Variants in HTT observed in about 807,000 individuals in gnomAD.
HTT encodes the protein huntington disease protein.
HTT carries 104 observed loss-of-function variants against 362.3 expected under a neutral mutation model. The observed-to-expected ratio is 0.29, with a 90% CI of 0.24 to 0.34. The LOEUF (loss-of-function observed/expected upper bound fraction) is 0.34. Among genes scored for constraint, HTT ranks in the 10% least tolerant of loss-of-function variants. The probability of loss-of-function intolerance (pLI) is 1.00; values close to 1 mark genes in which losing one functional copy is unlikely to be tolerated. For synonymous variants in HTT, 1,577 were observed against 1,548.7 expected (o/e 1.02, Z -0.43); for missense variants, 3,301 against 3,928.6 (o/e 0.84, Z 4.27).
At chr4:3,131,249 A>T (rs1414109619) in intron 14 of HTT, 37 bp from the exon 15 acceptor site, 2 of 1,397,772 alleles carry the variant, frequency 1.4e-6, no homozygotes, top group Non-Finnish European at 2.0e-6. Flanking sequence ...TGTATTGTTG[A>T]GTATGAGACA....
At position 3,148,318 on chromosome 4, in the gene HTT, A is replaced by G. The variant is rs1369878644; in HGVS notation, c.3498+111A>G. The G allele has an allele frequency of 3.7e-6, 3 of 802,036 alleles. No individual in the cohort carries two copies. The Admixed American group carries it at 8.7e-5, about 23-fold the overall frequency. 49.7% of individuals were successfully genotyped at this position (802,036 alleles called of 1,614,324 possible). A position where few individuals can be genotyped will look rare whatever the true frequency, so the allele number is the denominator to read the frequency against. ...TTTATTCTCTTTTTGCTTTAAATGA[A>G]CAAAATTGCTCAGATTGTGACACTA... On this transcript the variant is annotated intron_variant, in intron 26 of 66. Coordinates refer to ENST00000355072, the MANE Select transcript of HTT (RefSeq NM_001388492.1).
chr4:3,180,150 G>A (rs1431934728), intron 35 of HTT, among the ~76,000 whole-genome samples: 2 of 152,186 alleles, frequency 1.3e-5, no homozygotes, highest in Non-Finnish European at 2.9e-5. Flanking sequence ...TGTCTTTTCA[G>A]ATGAATCAAG....
intron 37 of HTT, among the ~76,000 whole-genome samples, chr4:3,183,393 C>G (rs1718616050): frequency 6.6e-6 from 1 of 152,228 alleles, no homozygotes; most frequent in Non-Finnish European, 1.5e-5. Context: ...CAGAAAATCT[C>G]ATGAGCTGCC....
At chr4:3,223,339 G>T in intron 54 of HTT, 67 bp from the exon 55 acceptor site, 1 of 1,447,950 alleles carries the variant, frequency 6.9e-7, no homozygotes, top group East Asian at 2.4e-5. Context: ...GAAGACTCTG[G>T]GTTCTGCAGG....
In HTT at chr4:3,230,001, C is replaced by T. The variant is rs371640265; in HGVS notation, c.8224C>T (p.Leu2742=). ...PSEDEILAQY[L]VPATCKAAAV... is the part of the protein sequence containing the mutation. ...AGAAGACGAGATCCTCGCTCAGTACCTGGTGCCTGCCACCTGCAAGGCAGC... is the reference window on the plus strand; with the variant it reads ...AGAAGACGAGATCCTCGCTCAGTACTTGGTGCCTGCCACCTGCAAGGCAGC... The change falls in exon 60 of 67, where the codon CTG becomes TTG. Residue 2742 remains leucine, a synonymous_variant. Transcript: ENST00000355072. 2 of 1,614,064 alleles carry T rather than the reference C, an allele frequency of 1.2e-6. No homozygotes were observed. The highest frequency in any genetic ancestry group is 1.7e-6 in the Non-Finnish European group (2 of 1,179,930).
intron 29 of HTT, among the ~76,000 whole-genome samples, chr4:3,167,123 G>A (rs1717755492): frequency 6.6e-6 from 1 of 152,224 alleles, no homozygotes; most frequent in Non-Finnish European, 1.5e-5. Flanking sequence ...CCAGGCTGAC[G>A]TGCATCGGCA....
intron 3 of HTT, among the ~76,000 whole-genome samples, chr4:3,102,780 C>T (rs188552144): frequency 3.3e-5 from 5 of 152,226 alleles, no homozygotes; most frequent in Non-Finnish European, 5.9e-5. Flanking sequence ...CTTCCCTGTC[C>T]CATCCCCTAG....
At chr4:3,112,417 TC>T (rs1025902165) in intron 6 of HTT, among the ~76,000 whole-genome samples, 2 of 152,224 alleles carry the variant, frequency 1.3e-5, no homozygotes, top group East Asian at 1.9e-4. Flanking sequence ...TCTCCCCTAT[TC>T]CCCCGTCACT....
At chr4:3,198,080 G>T (rs1719349348) in intron 40 of HTT, among the ~76,000 whole-genome samples, 1 of 152,172 alleles carries the variant, frequency 6.6e-6, no homozygotes, top group African/African-American at 2.4e-5. Flanking sequence ...GACCTGGTCT[G>T]CATTCTCTGA....
intron 55 of HTT, 26 bp from the exon 56 acceptor site, chr4:3,223,966 C>A (rs990196135): frequency 6.2e-7 from 1 of 1,612,930 alleles, no homozygotes; most frequent in Admixed American, 1.7e-5. Flanking sequence ...AAACAAAACA[C>A]TCTTTACCTT....
intron 29 of HTT, among the ~76,000 whole-genome samples, chr4:3,169,432 A>T (rs1330821604): frequency 1.3e-5 from 2 of 151,908 alleles, no homozygotes; most frequent in African/African-American, 2.4e-5. Flanking sequence ...TAGCTTACTG[A>T]TGCTCTTTTC....
chr4:3,140,118 G>A (rs1394430409), intron 21 of HTT, among the ~76,000 whole-genome samples: 1 of 152,014 alleles, frequency 6.6e-6, no homozygotes, highest in Non-Finnish European at 1.5e-5. Flanking sequence ...AAAATTAGCC[G>A]GGCGCGGTGG....
intron 39 of HTT, 160 bp from the exon 40 acceptor site, chr4:3,188,791 C>T (rs1718884656): frequency 4.7e-6 from 3 of 636,462 alleles, no homozygotes; most frequent in Admixed American, 5.9e-5. Context: ...GACCAAGTGA[C>T]TGTGTCCACG....
intron 6 of HTT, among the ~76,000 whole-genome samples, chr4:3,111,193 CTTT>C (rs1161560027): frequency 1.5e-5 from 2 of 134,792 alleles, no homozygotes; most frequent in Non-Finnish European, 1.6e-5. Context: ...ATTTTCTTTA[CTTT>C]TTTTTTTTTT....
Position 3,242,165 on chromosome 4 carries a change from G to A in HTT, c.*2106G>A, listed in dbSNP as rs532379411. 1.3e-5 allele frequency: 2 copies of A among 152,318 alleles called. No individual in the cohort carries two copies. Among genetic ancestry groups the A allele is most frequent in the South Asian group, 4.1e-4 (2 of 4,826 alleles). 9.4% of individuals were successfully genotyped at this position (152,318 alleles called of 1,614,324 possible). The stretch of plus-strand genomic sequence containing the variant: ...GTTTACATTTGTAAGAAATAACACT[G>A]TGAATGTAAAACAGAGCCATTCCCT... On this transcript the variant is annotated 3_prime_UTR_variant, in exon 67 of 67. Coordinates refer to ENST00000355072, the MANE Select transcript of HTT (RefSeq NM_001388492.1).
rs143982221 is a variant in HTT, at chr4:3,185,852, T to C, written c.4867-745T>C. 1.0e-2 allele frequency among the ~76,000 whole-genome samples: 1,508 copies of C among 151,544 alleles called. 10 individuals carry two copies. The highest frequency in any genetic ancestry group is 0.022 in the African/African-American group (901 of 41,262). On this transcript the variant is annotated intron_variant, in intron 37 of 66. Coordinates refer to ENST00000355072, the MANE Select transcript of HTT (RefSeq NM_001388492.1). ...TCACTTGAGCCCATTCGTGCGCCACTGCACTCCTGGGGCACAGAGTGAGAC... is the reference window on the plus strand; with the variant it reads ...TCACTTGAGCCCATTCGTGCGCCACCGCACTCCTGGGGCACAGAGTGAGAC...
Position 3,122,762 on chromosome 4 carries a change from G to A in HTT, c.1274-127G>A, listed in dbSNP as rs180942096. ...AAAATGTTGAACTGCGATGTTAAGT[G>A]TTTCCTGTGGAAAAACGTTCACATT... is the stretch of plus-strand genomic sequence containing the variant. On this transcript the variant is annotated intron_variant, in intron 9 of 66. Transcript: ENST00000355072. 7 of 673,938 alleles carry A rather than the reference G, an allele frequency of 1.0e-5. No individual in the cohort carries two copies. In the African/African-American group the frequency reaches 1.3e-4, roughly 12 times the overall value. The allele number at this position is 673,938 out of a possible 1,614,324, so 41.7% of individuals were successfully genotyped here. A position where few individuals can be genotyped will look rare whatever the true frequency, so the allele number is the denominator to read the frequency against.
At chr4:3,225,844 A>T (rs1432800449) in intron 57 of HTT, 101 bp downstream of exon 57, 1 of 772,244 alleles carries the variant, frequency 1.3e-6, no homozygotes, top group Non-Finnish European at 2.1e-6. Flanking sequence ...TTTTTAAATG[A>T]AAGGAAGTTT....
Position 3,148,059 on chromosome 4 carries a change from C to T in HTT, c.3350C>T (p.Pro1117Leu). The T allele has an allele frequency of 6.2e-7, 1 of 1,614,138 alleles. No homozygotes were observed. Among genetic ancestry groups the T allele is most frequent in the South Asian group, 1.1e-5 (1 of 91,066 alleles). Residue 1117 changes from proline (P) to leucine (L), a missense_variant, in exon 26 of 67, where the codon CCA becomes CTA. Pro to Leu is a moderately conservative substitution (Grantham distance 98, BLOSUM62 -3). Transcript: ENST00000355072. ...SSWASEEEANPAATKQEEVWP... is the reference protein window; with the variant it reads ...SSWASEEEANLAATKQEEVWP... ...TGGGCCTCTGAAGAAGAAGCCAACC[C>T]AGCAGCCACCAAGCAAGAGGAGGTC...
Sources: allele counts gnomAD v4.1 joint callset (sites outside exome capture counted in the v4.1 genomes callset), GRCh38; gene constraint gnomAD v4.1.1; transcripts MANE v1.5; gene names NCBI Gene and HGNC (gene_info 2026-07-23, HGNC 2026-07-21).